TENM3: variants seen among roughly 807,000 people sequenced by gnomAD.
TENM3 encodes the protein teneurin transmembrane protein 3, also known as teneurin-3.
A neutral mutation model predicts 255.1 loss-of-function variants in TENM3; 63 were observed. The ratio of observed to expected loss-of-function variants is 0.25; its 90% CI spans 0.20 to 0.30. The LOEUF (loss-of-function observed/expected upper bound fraction) is 0.30. TENM3 is among the 10% of genes least tolerant of loss of function. The pLI is 1.00. For missense variants in TENM3, 2,929 were observed against 3,461.1 expected (o/e 0.85, Z 3.86); for synonymous variants, 1,306 against 1,322.3 (o/e 0.99, Z 0.27).
chr4:181,507,564 T>C, the TENM3 span, among the ~76,000 whole-genome samples: 4 of 152,252 alleles, frequency 2.6e-5, no homozygotes, highest in African/African-American at 7.2e-5. Flanking sequence ...TTTTTATACA[T>C]GTCCTGTGGA....
At chr4:181,532,336 T>C in the TENM3 span, among the ~76,000 whole-genome samples, 1 of 152,006 alleles carries the variant, frequency 6.6e-6, no homozygotes, top group Non-Finnish European at 1.5e-5. Flanking sequence ...CCTGCCAGAT[T>C]TAGGAAGCAG....
At chr4:181,583,571 A>T in the TENM3 span, among the ~76,000 whole-genome samples, 3 of 152,142 alleles carry the variant, frequency 2.0e-5, no homozygotes, top group African/African-American at 7.2e-5. Context: ...GGGGCGTGCC[A>T]CCTCCTAGTC....
chr4:182,001,554 CT>C, the TENM3 span, among the ~76,000 whole-genome samples: 6 of 152,202 alleles, frequency 3.9e-5, no homozygotes, highest in South Asian at 1.2e-3. Flanking sequence ...GCTATAATGA[CT>C]CTTTCAGACC....
At chr4:182,316,947 C>A (rs1762784862) in intron 1 of TENM3, among the ~76,000 whole-genome samples, 1 of 152,194 alleles carries the variant, frequency 6.6e-6, no homozygotes, top group Non-Finnish European at 1.5e-5. Flanking sequence ...CATGGCACAG[C>A]TTAATTGTTT....
At chr4:181,508,220 G>T in the TENM3 span, among the ~76,000 whole-genome samples, 5 of 152,212 alleles carry the variant, frequency 3.3e-5, no homozygotes, top group Admixed American at 3.3e-4. Context: ...GCCCAGAGCA[G>T]CTGCCACGGG....
chr4:182,587,051 T>C (rs967553006), intron 3 of TENM3, among the ~76,000 whole-genome samples: 2 of 152,034 alleles, frequency 1.3e-5, no homozygotes, highest in African/African-American at 4.8e-5. Context: ...AAATGTATTA[T>C]AATTGTCTTC....
At position 182,634,113 on chromosome 4, in the gene TENM3, C is replaced by T. The variant is rs374032541; in HGVS notation, c.988+5224C>T. On this transcript the variant is annotated intron_variant, in intron 5 of 27. Coordinates refer to ENST00000511685, the MANE Select transcript of TENM3 (RefSeq NM_001080477.4). ...AGCACAGGTCTAGGAAATGCTGTCA[C>T]GTGTCCCGTTTCATGATGGAAATGT... Among the ~76,000 whole-genome samples, 11 of 152,284 alleles carry T rather than the reference C, an allele frequency of 7.2e-5. No homozygotes were observed. The East Asian group carries it at 1.5e-3, about 21-fold the overall frequency.
At chr4:182,462,470 T>C (rs530377039) in intron 3 of TENM3, among the ~76,000 whole-genome samples, 85 of 151,620 alleles carry the variant, frequency 5.6e-4, no homozygotes, top group Non-Finnish European at 7.8e-4. Context: ...CTTGTTTTAT[T>C]TTTCAGCAGC....
At chr4:182,141,205 G>C (rs1045679601), upstream of TENM3, 1 of 152,250 alleles carries the variant, frequency 6.6e-6, no homozygotes, top group Admixed American at 6.5e-5. Context: ...CACCAGCCGC[G>C]CCGGGCAGAG....
chr4:181,632,764 T>C, the TENM3 span, among the ~76,000 whole-genome samples: 1 of 152,146 alleles, frequency 6.6e-6, no homozygotes, highest in East Asian at 1.9e-4. Flanking sequence ...TCCCTGAATG[T>C]TGCCTTACTG....
chr4:181,825,823 T>G, the TENM3 span, among the ~76,000 whole-genome samples: 1 of 152,316 alleles, frequency 6.6e-6, no homozygotes, highest in Admixed American at 6.5e-5. Context: ...CAAAACTGTT[T>G]ATTTAGAAAT....
chr4:182,288,588 C>T (rs939822107), intron 1 of TENM3, among the ~76,000 whole-genome samples: 11 of 152,182 alleles, frequency 7.2e-5, no homozygotes, highest in Non-Finnish European at 1.6e-4. Flanking sequence ...CAGCAGTTGG[C>T]TCCAACTACT....
At chr4:182,422,935 G>A (rs1040980889) in intron 3 of TENM3, among the ~76,000 whole-genome samples, 4 of 152,294 alleles carry the variant, frequency 2.6e-5, no homozygotes, top group Admixed American at 6.5e-5. Context: ...CACGGAGCTC[G>A]TAGGTAGCAG....
the TENM3 span, among the ~76,000 whole-genome samples, chr4:182,129,397 C>T: frequency 6.6e-6 from 1 of 152,116 alleles, no homozygotes; most frequent in Non-Finnish European, 1.5e-5. Flanking sequence ...TCAATTTACT[C>T]TTCAGAATTC....
the TENM3 span, among the ~76,000 whole-genome samples, chr4:181,669,929 G>A: frequency 1.3e-5 from 2 of 152,168 alleles, no homozygotes; most frequent in Non-Finnish European, 2.9e-5. Flanking sequence ...TAGAAAGAAT[G>A]TAAAAGATGG....
the TENM3 span, among the ~76,000 whole-genome samples, chr4:181,654,623 G>A: frequency 0.029 from 4,353 of 151,876 alleles, 96 homozygotes; most frequent in Non-Finnish European, 0.043. Flanking sequence ...GCATGGTGGC[G>A]GGTGCCTGTA....
chr4:182,738,296 G>C, intron 17 of TENM3, 105 bp from the exon 18 acceptor site: 1 of 935,864 alleles, frequency 1.1e-6, no homozygotes, highest in Non-Finnish European at 1.5e-6. Flanking sequence ...TGGAAATACA[G>C]TCTCAGAACA....
chr4:181,857,551 CAAAAAAAAA>C, the TENM3 span, among the ~76,000 whole-genome samples: 99 of 104,802 alleles, frequency 9.4e-4, 1 homozygote, highest in Admixed American at 2.6e-3. Flanking sequence ...CCTGTCTCTA[CAAAAAAAAA>C]AAAAAAAAAA....
intron 3 of TENM3, among the ~76,000 whole-genome samples, chr4:182,356,395 G>A (rs1433678634): frequency 6.6e-6 from 1 of 152,080 alleles, no homozygotes; most frequent in Non-Finnish European, 1.5e-5. Context: ...GTCAAATCGT[G>A]GTAGTTCAGA....
Sources: allele counts gnomAD v4.1 joint callset (sites outside exome capture counted in the v4.1 genomes callset), GRCh38; gene constraint gnomAD v4.1.1; transcripts MANE v1.5; gene names NCBI Gene and HGNC (gene_info 2026-07-23, HGNC 2026-07-21).